Variants in MTHFD2L observed in about 807,000 individuals in gnomAD.
MTHFD2L encodes methylenetetrahydrofolate dehydrogenase (NADP+ dependent) 2 like, also known as bifunctional methylenetetrahydrofolate dehydrogenase/cyclohydrolase 2, mitochondrial.
MTHFD2L carries 29 observed loss-of-function variants against 34.9 expected under a neutral mutation model. The observed-to-expected ratio is 0.83, with a 90% CI of 0.62 to 1.13. The LOEUF is 1.13. Ranked by LOEUF, MTHFD2L falls within the 50% of genes most tolerant of loss-of-function variation. The pLI is 0.00. For missense variants in MTHFD2L, 481 were observed against 446.5 expected (o/e 1.08, Z -0.70); for synonymous variants, 167 against 155.7 (o/e 1.07, Z -0.54).
intron 6 of MTHFD2L, among the ~76,000 whole-genome samples, chr4:74,253,187 A>G (rs766821923): frequency 6.6e-6 from 1 of 152,136 alleles, no homozygotes; most frequent in Non-Finnish European, 1.5e-5. Flanking sequence ...TTCCTTTACA[A>G]TGATTCTAGT....
chr4:74,256,675 T>C (rs1744064525), intron 6 of MTHFD2L, among the ~76,000 whole-genome samples: 1 of 152,200 alleles, frequency 6.6e-6, no homozygotes, highest in African/African-American at 2.4e-5. Context: ...TTTTTGTCAA[T>C]GGGGACACCT....
intron 5 of MTHFD2L, among the ~76,000 whole-genome samples, chr4:74,208,857 T>C (rs980874605): frequency 6.6e-6 from 1 of 152,136 alleles, no homozygotes; most frequent in Non-Finnish European, 1.5e-5. Context: ...GAAGTACATC[T>C]AACTGCCATT....
intron 1 of MTHFD2L, among the ~76,000 whole-genome samples, chr4:74,142,441 TACA>T (rs1029781111): frequency 6.6e-6 from 1 of 152,256 alleles, no homozygotes; most frequent in African/African-American, 2.4e-5. Context: ...TATGTGAGAA[TACA>T]ACAAGAAGTC....
intron 1 of MTHFD2L, among the ~76,000 whole-genome samples, chr4:74,147,125 T>C (rs1308501279): frequency 6.6e-6 from 1 of 152,200 alleles, no homozygotes; most frequent in Non-Finnish European, 1.5e-5. Context: ...TGTATTTGCA[T>C]TGAAGGATTA....
At chr4:74,250,924 G>T (rs1437299629) in intron 6 of MTHFD2L, among the ~76,000 whole-genome samples, 1 of 152,116 alleles carries the variant, frequency 6.6e-6, no homozygotes, top group African/African-American at 2.4e-5. Context: ...GGAGTTCTGT[G>T]GCAAAATGGG....
chr4:74,256,167 T>C (rs1194216838), intron 6 of MTHFD2L, among the ~76,000 whole-genome samples: 1 of 152,170 alleles, frequency 6.6e-6, no homozygotes, highest in Non-Finnish European at 1.5e-5. Context: ...GCATCTGTTG[T>C]CTTGATTTTT....
intron 5 of MTHFD2L, among the ~76,000 whole-genome samples, chr4:74,207,080 G>A (rs969312908): frequency 5.3e-5 from 8 of 151,730 alleles, no homozygotes; most frequent in African/African-American, 1.7e-4. Flanking sequence ...TGTATTTTTC[G>A]TAGAGATGGG....
At chr4:74,196,658 G>A (rs1184217470) in intron 3 of MTHFD2L, among the ~76,000 whole-genome samples, 1 of 151,986 alleles carries the variant, frequency 6.6e-6, no homozygotes, top group African/African-American at 2.4e-5. Flanking sequence ...GCAAAAATAT[G>A]TATTCAGTGG....
intron 5 of MTHFD2L, among the ~76,000 whole-genome samples, chr4:74,212,738 CT>C (rs1736551231): frequency 6.6e-6 from 1 of 152,154 alleles, no homozygotes; most frequent in Admixed American, 6.5e-5. Context: ...AGTTCAAGTC[CT>C]GAACATCCTT....
chr4:74,135,680 A>T (rs1251311566), intron 1 of MTHFD2L, among the ~76,000 whole-genome samples: 1 of 114,540 alleles, frequency 8.7e-6, no homozygotes. Context: ...TGATACCAAA[A>T]CCAGACAAGG....
At position 74,302,561 on chromosome 4, in the gene MTHFD2L, T is replaced by C. The variant is rs1185868271; in HGVS notation, c.*752T>C. ...TGTGTTAGGTTTAAACGTCGTTTCTTTCTTCTAAAAAATATTTGGTTAGTA... is the reference window on the plus strand; with the variant it reads ...TGTGTTAGGTTTAAACGTCGTTTCTCTCTTCTAAAAAATATTTGGTTAGTA... On this transcript the variant is annotated 3_prime_UTR_variant, in exon 8 of 8. Transcript: ENST00000325278. 3 of 152,118 alleles carry C rather than the reference T, an allele frequency of 2.0e-5. No homozygotes were observed. The highest frequency in any genetic ancestry group is 4.8e-5 in the African/African-American group (2 of 41,444). 9.4% of individuals were successfully genotyped at this position (152,118 alleles called of 1,614,324 possible).
intron 5 of MTHFD2L, among the ~76,000 whole-genome samples, chr4:74,215,867 A>G (rs1009370456): frequency 1.3e-5 from 2 of 151,656 alleles, no homozygotes; most frequent in Non-Finnish European, 1.5e-5. Context: ...TGCATTTTAT[A>G]TAATGGTGCT....
At chr4:74,249,284 T>G (rs1468387496) in intron 6 of MTHFD2L, among the ~76,000 whole-genome samples, 1 of 151,746 alleles carries the variant, frequency 6.6e-6, no homozygotes, top group Non-Finnish European at 1.5e-5. Context: ...GTCTGTTTTA[T>G]CAGAGACTAG....
At chr4:74,219,457 C>G (rs1015201361) in intron 5 of MTHFD2L, among the ~76,000 whole-genome samples, 1 of 152,026 alleles carries the variant, frequency 6.6e-6, no homozygotes. Context: ...CTTGCTAGTA[C>G]TAGCTGCCCT....
chr4:74,270,301 A>AT (rs1298285916), intron 6 of MTHFD2L, among the ~76,000 whole-genome samples: 1 of 151,858 alleles, frequency 6.6e-6, no homozygotes, highest in Non-Finnish European at 1.5e-5. Context: ...GGTATATCTC[A>AT]TAATGTTTTC....
intron 1 of MTHFD2L, among the ~76,000 whole-genome samples, chr4:74,162,702 GTAGA>G (rs1413715079): frequency 6.6e-6 from 1 of 152,104 alleles, no homozygotes; most frequent in Non-Finnish European, 1.5e-5. Context: ...ACTAAAGGAA[GTAGA>G]TAGACACTAT....
At chr4:74,198,606 T>A (rs538208888) in intron 3 of MTHFD2L, among the ~76,000 whole-genome samples, 83 of 152,212 alleles carry the variant, frequency 5.5e-4, no homozygotes, top group South Asian at 3.3e-3. Flanking sequence ...AGATTTTTTT[T>A]AAAAAAGAAC....
chr4:74,235,470 G>A (rs559257846), intron 6 of MTHFD2L, among the ~76,000 whole-genome samples: 21 of 152,264 alleles, frequency 1.4e-4, no homozygotes, highest in African/African-American at 4.3e-4. Context: ...TTGAGTTGAT[G>A]ACACTAGGTG....
At chr4:74,267,673 G>A (rs772431350) in intron 6 of MTHFD2L, 4 of 976,432 alleles carry the variant, frequency 4.1e-6, no homozygotes, top group African/African-American at 3.5e-5. Context: ...GGGCTCTGGC[G>A]ATCCTCCCAC....
Sources: allele counts gnomAD v4.1 joint callset (sites outside exome capture counted in the v4.1 genomes callset), GRCh38; gene constraint gnomAD v4.1.1; transcripts MANE v1.5; gene names NCBI Gene and HGNC (gene_info 2026-07-23, HGNC 2026-07-21).